Variants in IGF2R observed in about 807,000 individuals in gnomAD.
IGF2R encodes the protein insulin like growth factor 2 receptor.
In IGF2R, 91 loss-of-function variants were observed where a neutral mutation model predicts 270.6. The observed-to-expected ratio is 0.34, with a 90% confidence interval of 0.28 to 0.40. The LOEUF (loss-of-function observed/expected upper bound fraction) is 0.40. IGF2R is among the 10% of genes least tolerant of loss of function. The pLI, the probability that IGF2R is intolerant of heterozygous loss-of-function variation, is 1.00. For missense variants in IGF2R, 2,805 were observed against 3,188.3 expected, an observed-to-expected ratio of 0.88 and a Z score of 2.90; for synonymous variants, 1,316 against 1,258.9, an observed-to-expected ratio of 1.05 and a Z score of -0.96.
Position 160,080,287 on chromosome 6 carries a change from G to A in IGF2R, c.5833+12G>A, listed in dbSNP as rs777109303. 1.3e-5 allele frequency: 21 copies of A among 1,610,974 alleles called. 1 individual carries two copies. Among genetic ancestry groups the A allele is most frequent in the South Asian group, 9.9e-5 (9 of 90,934 alleles). On this transcript the variant is annotated intron_variant, in intron 39 of 47. Transcript: ENST00000356956. ...CTTCTGCAGACACTGTGAGTAGGAC[G>A]GCTCCGCGTCCCCACATGGCCTGGG...
chr6:160,013,005 T>G (rs1485643337), intron 4 of IGF2R, among the ~76,000 whole-genome samples: 1 of 151,908 alleles, frequency 6.6e-6, no homozygotes, highest in Non-Finnish European at 1.5e-5. Flanking sequence ...GCGGTGACAG[T>G]GGTGCCCTCT....
chr6:159,979,784 G>A (rs139443712), intron 1 of IGF2R, among the ~76,000 whole-genome samples: 1 of 152,302 alleles, frequency 6.6e-6, no homozygotes, highest in Non-Finnish European at 1.5e-5. Context: ...AGAATGGAGG[G>A]AGGGGCCAGA....
chr6:160,075,268 A>G (rs1311372082), intron 35 of IGF2R, among the ~76,000 whole-genome samples: 2 of 152,146 alleles, frequency 1.3e-5, no homozygotes, highest in Non-Finnish European at 2.9e-5. Flanking sequence ...TATTCACTCA[A>G]AAATATCTCT....
Position 160,091,574 on chromosome 6 carries a change from T to C in IGF2R, c.6655+1471T>C, listed in dbSNP as rs1779227377. ...GTGAATGTTCTGCTTTCTGGGTGAG[T>C]TGATGATGGGAAAGTTGATCAGCCT... is the stretch of plus-strand genomic sequence containing the variant. On this transcript the variant is annotated intron_variant, in intron 44 of 47. Coordinates refer to ENST00000356956, the MANE Select transcript of IGF2R (RefSeq NM_000876.4). 2.6e-5 allele frequency among the ~76,000 whole-genome samples: 4 copies of C among 152,148 alleles called. No homozygotes were observed. In the South Asian group the frequency reaches 8.3e-4, roughly 31 times the overall value.
Position 160,064,838 on chromosome 6 carries a change from A to G in IGF2R, c.4052A>G (p.Tyr1351Cys), listed in dbSNP as rs761689625. 1 of 1,613,768 alleles carries G rather than the reference A, an allele frequency of 6.2e-7. No individual in the cohort carries two copies. ...VFLKETSDCS[Y>C]LFEWRTQYAC... ...CTAAAGGAGACTTCAGATTGTTCCT[A>G]CTTGTTTGAGTGGCGAACGCAGTAT... Residue 1351 changes from tyrosine (Y) to cysteine (C), a missense_variant, in exon 29 of 48, where the codon TAC (tyrosine) becomes TGC (cysteine). This residue lies in a region of IGF2R where 1,851 missense variants were observed against 2,207.2 expected (regional missense o/e 0.84). Transcript: ENST00000356956.
At chr6:159,976,053 T>TATA (rs1783688677) in intron 1 of IGF2R, among the ~76,000 whole-genome samples, 1 of 151,926 alleles carries the variant, frequency 6.6e-6, no homozygotes, top group Non-Finnish European at 1.5e-5. Flanking sequence ...TGAAACAGTT[T>TATA]GTATATAAGA....
At chr6:160,016,577 A>T (rs1777304774) in intron 4 of IGF2R, among the ~76,000 whole-genome samples, 1 of 152,212 alleles carries the variant, frequency 6.6e-6, no homozygotes, top group South Asian at 2.1e-4. Context: ...GAACTTGCGT[A>T]GCCCATCTGC....
chr6:160,015,491 A>G (rs1318292717), intron 4 of IGF2R, among the ~76,000 whole-genome samples: 1 of 152,058 alleles, frequency 6.6e-6, no homozygotes, highest in Admixed American at 6.5e-5. Context: ...ACTGTACCGC[A>G]AAGATGTGGG....
At chr6:160,040,013 G>A (rs899167434) in intron 10 of IGF2R, among the ~76,000 whole-genome samples, 12 of 152,182 alleles carry the variant, frequency 7.9e-5, no homozygotes, top group African/African-American at 2.7e-4. Flanking sequence ...TTGTGGGGCT[G>A]GCATAGGACC....
At chr6:159,994,422 A>AT (rs1344926340) in intron 2 of IGF2R, among the ~76,000 whole-genome samples, 4 of 149,492 alleles carry the variant, frequency 2.7e-5, no homozygotes, top group African/African-American at 9.8e-5. Context: ...GATCCTTTGC[A>AT]TTTTTTGGGG....
chr6:160,022,176 G>A (rs1021490145), intron 4 of IGF2R, among the ~76,000 whole-genome samples: 1 of 152,116 alleles, frequency 6.6e-6, no homozygotes, highest in East Asian at 1.9e-4. Flanking sequence ...TTATAAGTGG[G>A]AACTAAATAA....
intron 35 of IGF2R, among the ~76,000 whole-genome samples, chr6:160,074,553 C>A (rs1401038822): frequency 6.6e-6 from 1 of 152,218 alleles, no homozygotes; most frequent in East Asian, 1.9e-4. Flanking sequence ...GGATTACAGG[C>A]ATGAGCCACA....
intron 13 of IGF2R, 44 bp downstream of exon 13, chr6:160,044,701 G>A (rs1452114241): frequency 6.6e-7 from 1 of 1,524,302 alleles, no homozygotes; most frequent in East Asian, 2.3e-5. Flanking sequence ...GCTTCTGCCA[G>A]AGGTCCTGCA....
intron 33 of IGF2R, 140 bp downstream of exon 33, chr6:160,073,024 A>G (rs987597707): frequency 3.6e-6 from 5 of 1,378,334 alleles, no homozygotes; most frequent in Non-Finnish European, 5.0e-6. Context: ...CAGTCACCCC[A>G]TGTGGGGGAC....
intron 2 of IGF2R, among the ~76,000 whole-genome samples, chr6:159,996,197 C>T (rs1186105046): frequency 2.0e-5 from 3 of 152,146 alleles, no homozygotes; most frequent in Non-Finnish European, 4.4e-5. Flanking sequence ...CCCGCGGGGC[C>T]TGGAAGGCAG....
intron 2 of IGF2R, among the ~76,000 whole-genome samples, chr6:159,995,129 T>C (rs1039212576): frequency 6.6e-6 from 1 of 152,134 alleles, no homozygotes; most frequent in African/African-American, 2.4e-5. Context: ...TGGTGTGGGG[T>C]GCATTTGTAT....
At position 160,110,408 on chromosome 6, in the gene IGF2R, G is replaced by A. The variant is rs1779718343; in HGVS notation, c.*5324G>A. ...ACGTTGCCTCACACCTGCCAGAATG[G>A]CTACTGTCAGACGAAAGACAACAAG... On this transcript the variant is annotated 3_prime_UTR_variant, in exon 48 of 48. Transcript: ENST00000356956. 6.6e-6 allele frequency: 1 copy of A among 152,252 alleles called. No individual in the cohort carries two copies. Among genetic ancestry groups the A allele is most frequent in the African/African-American group, 2.4e-5 (1 of 41,468 alleles). 9.4% of individuals were successfully genotyped at this position (152,252 alleles called of 1,614,324 possible). A position where few individuals can be genotyped will look rare whatever the true frequency, so the allele number is the denominator to read the frequency against.
At chr6:160,073,157 A>G in intron 33 of IGF2R, 56 bp from the exon 34 acceptor site, 1 of 1,590,394 alleles carries the variant, frequency 6.3e-7, no homozygotes, top group Non-Finnish European at 8.6e-7. Flanking sequence ...TTCTCATCAG[A>G]AAATTGGCCA....
In IGF2R at chr6:159,998,761, G is replaced by C. The variant is rs1160100578; in HGVS notation, c.289+7438G>C. Among the ~76,000 whole-genome samples the C allele has an allele frequency of 6.6e-6, 1 of 152,156 alleles. No individual in the cohort carries two copies. Among genetic ancestry groups the C allele is most frequent in the African/African-American group, 2.4e-5 (1 of 41,418 alleles). On this transcript the variant is annotated intron_variant, in intron 2 of 47. Transcript: ENST00000356956. This position sits in a 1 kb window ranked among gnomAD's most constrained non-coding sequence, Gnocchi z 4.1. ...TTTCTTCAACTGGAGAGAGCAGTTT[G>C]TATGAGTCAATGAGAGTGACATTCA...
Sources: gnomAD v4.1 joint callset for allele counts (sites outside exome capture counted in the v4.1 genomes callset) on GRCh38, gnomAD v4.1.1 for gene constraint, gnomAD v4.1.1 regional missense constraint, Gnocchi (gnomAD v3.1) non-coding constraint, MANE v1.5 for transcripts, NCBI Gene and HGNC (gene_info 2026-07-23, HGNC 2026-07-21) for gene names.